The following MAPK8 variants were observed in gnomAD, a reference collection of about 807,000 sequenced individuals.
The protein encoded by MAPK8 is mitogen-activated protein kinase 8.
MAPK8 carries 13 observed loss-of-function variants against 52.9 expected under a neutral mutation model. The observed-to-expected ratio is 0.25, with a 90% confidence interval of 0.16 to 0.39. The LOEUF is 0.39. Ranked by LOEUF, MAPK8 falls within the 10% of genes least tolerant of loss-of-function variation. The probability of loss-of-function intolerance (pLI) is 1.00; values close to 1 mark genes in which losing one functional copy is unlikely to be tolerated. For missense variants in MAPK8, 300 were observed against 519.2 expected, an observed-to-expected ratio of 0.58 and a Z score of 4.10; for synonymous variants, 191 against 169.8, an observed-to-expected ratio of 1.12 and a Z score of -0.97.
chr10:48,403,960 T>C (rs1004859544), intron 2 of MAPK8, among the ~76,000 whole-genome samples: 1 of 150,594 alleles, frequency 6.6e-6, no homozygotes, highest in Non-Finnish European at 1.5e-5. Context: ...TGTGTGTGTA[T>C]TTTTAGTAGA....
In MAPK8 at chr10:48,326,531, C is replaced by G. The variant is rs1588949912; in HGVS notation, c.-50+19710C>G. 4.6e-5 allele frequency among the ~76,000 whole-genome samples: 7 copies of G among 152,252 alleles called. No homozygotes were observed. In the East Asian group the frequency reaches 1.4e-3, roughly 29 times the overall value. Reference sequence around the variant, plus strand: ...AGAAAATGGTATTAGAAACAAAGATCTAGGTGCCCTTGTTGCTACTGGGAT... The same window carrying G: ...AGAAAATGGTATTAGAAACAAAGATGTAGGTGCCCTTGTTGCTACTGGGAT... On this transcript the variant is annotated intron_variant, in intron 1 of 11. Transcript: ENST00000374189.
intron 1 of MAPK8, among the ~76,000 whole-genome samples, chr10:48,378,736 A>ATT (rs1393581579): frequency 2.0e-5 from 3 of 151,604 alleles, no homozygotes; most frequent in African/African-American, 7.3e-5. Context: ...AAAATACATA[A>ATT]TTATATATAT....
At chr10:48,324,983 C>CT (rs200829937) in intron 1 of MAPK8, among the ~76,000 whole-genome samples, 9,151 of 79,730 alleles carry the variant, frequency 0.11, 426 homozygotes, top group African/African-American at 0.24. Context: ...CCCTATCATC[C>CT]TTTTTTTTTT....
intron 1 of MAPK8, among the ~76,000 whole-genome samples, chr10:48,379,623 T>C (rs931602800): frequency 1.3e-5 from 2 of 152,138 alleles, no homozygotes; most frequent in African/African-American, 4.8e-5. Flanking sequence ...ATGTGGACTC[T>C]GGCAAAACAA....
At chr10:48,347,639 C>T (rs1845916094) in intron 1 of MAPK8, among the ~76,000 whole-genome samples, 1 of 152,298 alleles carries the variant, frequency 6.6e-6, no homozygotes, top group South Asian at 2.1e-4. Context: ...AGAGTGAGAA[C>T]ATGTGGTGGT....
intron 1 of MAPK8, among the ~76,000 whole-genome samples, chr10:48,316,953 A>G (rs1443078813): frequency 6.6e-6 from 1 of 152,124 alleles, no homozygotes; most frequent in Non-Finnish European, 1.5e-5. Flanking sequence ...GCTAATGCAT[A>G]TTTGGTGCCT....
chr10:48,387,504 TTATA>T (rs2041385163), intron 1 of MAPK8, among the ~76,000 whole-genome samples: 2 of 152,250 alleles, frequency 1.3e-5, no homozygotes, highest in African/African-American at 4.8e-5. Flanking sequence ...TTTTATAAGA[TTATA>T]TATTTTTATA....
intron 1 of MAPK8, among the ~76,000 whole-genome samples, chr10:48,313,457 A>C (rs1842179953): frequency 6.6e-6 from 1 of 152,086 alleles, no homozygotes; most frequent in South Asian, 2.1e-4. Flanking sequence ...CAACAACAAC[A>C]CCCAGAAATA....
intron 11 of MAPK8, among the ~76,000 whole-genome samples, chr10:48,434,584 A>C (rs1320868644): frequency 6.6e-6 from 1 of 152,226 alleles, no homozygotes; most frequent in African/African-American, 2.4e-5. Flanking sequence ...CCATTCATGG[A>C]TCTTGCTGCA....
At chr10:48,313,291 G>A (rs557657135) in intron 1 of MAPK8, among the ~76,000 whole-genome samples, 4 of 152,154 alleles carry the variant, frequency 2.6e-5, no homozygotes, top group South Asian at 4.1e-4. Flanking sequence ...AAATTAGCTG[G>A]GCGTGGTAGC....
chr10:48,421,983 C>T (rs1036281845), intron 6 of MAPK8, among the ~76,000 whole-genome samples: 1 of 151,046 alleles, frequency 6.6e-6, no homozygotes, highest in Non-Finnish European at 1.5e-5. Context: ...CTTTTAATGA[C>T]ACCTCACACT....
chr10:48,389,666 C>T (rs1193051014), intron 1 of MAPK8, among the ~76,000 whole-genome samples: 1 of 152,194 alleles, frequency 6.6e-6, no homozygotes, highest in Non-Finnish European at 1.5e-5. Flanking sequence ...GTTCATTCAA[C>T]ACTTTTTTGA....
intron 1 of MAPK8, among the ~76,000 whole-genome samples, chr10:48,400,322 G>A (rs1165926758): frequency 6.6e-6 from 1 of 152,128 alleles, no homozygotes; most frequent in African/African-American, 2.4e-5. Flanking sequence ...TTCCTCATTT[G>A]TTTCTAGTTT....
At position 48,426,275 on chromosome 10, in the gene MAPK8, T is replaced by C. The variant is rs2043678272; in HGVS notation, c.872-105T>C. 7.9e-6 allele frequency: 8 copies of C among 1,015,272 alleles called. No individual in the cohort carries two copies. The South Asian group carries it at 1.6e-4, about 21-fold the overall frequency. The allele number at this position is 1,015,272 out of a possible 1,614,324, so 62.9% of individuals were successfully genotyped here. A position where few individuals can be genotyped will look rare whatever the true frequency, so the allele number is the denominator to read the frequency against. On this transcript the variant is annotated intron_variant, in intron 8 of 11. Coordinates refer to ENST00000374189, the MANE Select transcript of MAPK8 (RefSeq NM_001323329.2). ...TATGTATAAGATAATTTTACAGTAATATTTTTAAAACATATGCTTTTTAAA... is the reference window on the plus strand; with the variant it reads ...TATGTATAAGATAATTTTACAGTAACATTTTTAAAACATATGCTTTTTAAA...
intron 1 of MAPK8, among the ~76,000 whole-genome samples, chr10:48,396,741 T>TA (rs1231502455): frequency 6.6e-6 from 1 of 152,214 alleles, no homozygotes; most frequent in African/African-American, 2.4e-5. Flanking sequence ...AAGCTATTGA[T>TA]ATACCAACAC....
intron 1 of MAPK8, among the ~76,000 whole-genome samples, chr10:48,346,846 TC>T (rs1186717855): frequency 6.6e-6 from 1 of 152,142 alleles, no homozygotes; most frequent in Non-Finnish European, 1.5e-5. Context: ...CTGTCTCCTC[TC>T]CCTCTCTGCC....
At chr10:48,316,802 G>A (rs898901665) in intron 1 of MAPK8, among the ~76,000 whole-genome samples, 1 of 152,140 alleles carries the variant, frequency 6.6e-6, no homozygotes, top group African/African-American at 2.4e-5. Flanking sequence ...TTTATTTTCT[G>A]TCTCTTCTTC....
intron 1 of MAPK8, among the ~76,000 whole-genome samples, chr10:48,381,917 C>T (rs188343479): frequency 1.9e-3 from 283 of 152,258 alleles, no homozygotes; most frequent in African/African-American, 6.6e-3. Context: ...ACCCACGTGG[C>T]ACCCAAGTAT....
rs79067246 is a variant in MAPK8, at chr10:48,396,701, C to G, written c.-49-4911C>G. Among the ~76,000 whole-genome samples, 683 of 152,292 alleles carry G rather than the reference C, an allele frequency of 4.5e-3. 9 individuals are homozygous for G. Among genetic ancestry groups the G allele is most frequent in the South Asian group, 0.029 (138 of 4,818 alleles). On this transcript the variant is annotated intron_variant, in intron 1 of 11. Transcript: ENST00000374189. ...GATAGCAAATTGTCATACATTCATA[C>G]AATGAATAATATTCAGTAAGAAAAA...
Sources: gnomAD v4.1 joint callset for allele counts (sites outside exome capture counted in the v4.1 genomes callset) on GRCh38, gnomAD v4.1.1 for gene constraint, MANE v1.5 for transcripts, NCBI Gene and HGNC (gene_info 2026-07-23, HGNC 2026-07-21) for gene names.